Variants in MTCL1 observed in about 807,000 individuals in gnomAD.
The protein encoded by MTCL1 is microtubule cross-linking factor 1.
MTCL1 carries 79 observed loss-of-function variants against 141.4 expected under a neutral mutation model. The observed-to-expected ratio is 0.56, with a 90% CI of 0.47 to 0.67. The LOEUF (loss-of-function observed/expected upper bound fraction) is 0.67, where lower values mean the gene tolerates loss of function less well. Among genes scored for constraint, MTCL1 ranks in the 30% least tolerant of loss-of-function variants. MTCL1 has a pLI of 0.00. For synonymous variants in MTCL1, 914 were observed against 875.8 expected (o/e 1.04, Z -0.77); for missense variants, 2,177 against 2,113.9 (o/e 1.03, Z -0.59).
intron 11 of MTCL1, among the ~76,000 whole-genome samples, chr18:8,807,262 GC>G (rs2076332385): frequency 6.6e-6 from 1 of 152,072 alleles, no homozygotes; most frequent in South Asian, 2.1e-4. Context: ...ATGCAGTACG[GC>G]CCCCACCAAG....
At chr18:8,725,790 C>CTTTT (rs796484848) in intron 4 of MTCL1, among the ~76,000 whole-genome samples, 1 of 61,066 alleles carries the variant, frequency 1.6e-5, no homozygotes, top group Non-Finnish European at 2.8e-5. Context: ...TTTTTTTTTT[C>CTTTT]TTTTTTTTTT....
At chr18:8,707,241 G>C (rs1289943780) in intron 1 of MTCL1, 1 of 152,794 alleles carries the variant, frequency 6.5e-6, no homozygotes, top group Non-Finnish European at 1.5e-5. Context: ...CGACATCCCG[G>C]GTAGAGGGGG....
At chr18:8,714,851 C>G (rs562416531), upstream of MTCL1, among the ~76,000 whole-genome samples, 20 of 152,056 alleles carry the variant, frequency 1.3e-4, no homozygotes, top group South Asian at 1.0e-3. Flanking sequence ...GGCTGGAGTG[C>G]AGTGGCGCGA....
At chr18:8,731,651 C>A (rs1468721507) in intron 4 of MTCL1, among the ~76,000 whole-genome samples, 1 of 152,192 alleles carries the variant, frequency 6.6e-6, no homozygotes, top group East Asian at 1.9e-4. Context: ...CAGTAAACTG[C>A]ATCAAATTTG....
chr18:8,775,230 G>C (rs1342470838), intron 4 of MTCL1, among the ~76,000 whole-genome samples: 1 of 152,080 alleles, frequency 6.6e-6, no homozygotes, highest in Non-Finnish European at 1.5e-5. Flanking sequence ...GCTTGGGAGA[G>C]AGCCTGCTGA....
chr18:8,805,345 G>T (rs773472120), intron 10 of MTCL1, among the ~76,000 whole-genome samples: 29 of 152,144 alleles, frequency 1.9e-4, no homozygotes, highest in Non-Finnish European at 3.7e-4. Flanking sequence ...ACATATAAGT[G>T]AGAACATGCG....
intron 4 of MTCL1, among the ~76,000 whole-genome samples, chr18:8,730,755 C>G (rs1374358120): frequency 6.6e-6 from 1 of 152,208 alleles, no homozygotes; most frequent in Non-Finnish European, 1.5e-5. Flanking sequence ...ACCTTGGACG[C>G]AGCGATGCTG....
At chr18:8,832,677 A>G (rs1598849493) in exon 17 of MTCL1, 1 of 152,386 alleles carries the variant, frequency 6.6e-6, no homozygotes. Flanking sequence ...AAGGGAAAAC[A>G]CTACAAAAAG....
intron 4 of MTCL1, among the ~76,000 whole-genome samples, chr18:8,727,050 G>C (rs2096220372): frequency 6.6e-6 from 1 of 152,170 alleles, no homozygotes; most frequent in African/African-American, 2.4e-5. Context: ...AGAACATGCA[G>C]TATTGGATTT....
At chr18:8,805,459 C>T (rs992529912) in intron 10 of MTCL1, among the ~76,000 whole-genome samples, 27 of 152,204 alleles carry the variant, frequency 1.8e-4, no homozygotes, top group African/African-American at 6.0e-4. Flanking sequence ...TGTGGCTGCA[C>T]AATTTTATGT....
At chr18:8,813,508 C>CG (rs1388341213) in intron 12 of MTCL1, among the ~76,000 whole-genome samples, 89 of 151,764 alleles carry the variant, frequency 5.9e-4, no homozygotes, top group African/African-American at 2.1e-3. Flanking sequence ...CTTGTGGGAG[C>CG]GGGGGGATAA....
At chr18:8,831,847 T>A in exon 17 of MTCL1, 1 of 1,544,140 alleles carries the variant, frequency 6.5e-7, no homozygotes, top group Non-Finnish European at 8.8e-7. Context: ...GTAATTTGCA[T>A]AACCACACCA....
chr18:8,831,130 A>AAC, intron 16 of MTCL1: 4 of 988,462 alleles, frequency 4.0e-6, no homozygotes, highest in Non-Finnish European at 4.8e-6. Context: ...TGCCATTGCT[A>AAC]ACACAGCTGA....
chr18:8,809,233 G>A (rs1393263067), intron 11 of MTCL1, among the ~76,000 whole-genome samples: 3 of 152,150 alleles, frequency 2.0e-5, no homozygotes, highest in Non-Finnish European at 2.9e-5. Context: ...GGATTAACCT[G>A]GGGTTAATGG....
chr18:8,765,743 C>T (rs1345875664), intron 4 of MTCL1, among the ~76,000 whole-genome samples: 1 of 152,166 alleles, frequency 6.6e-6, no homozygotes, highest in Non-Finnish European at 1.5e-5. Context: ...ATTAGAAGGA[C>T]CCGGGACATG....
chr18:8,827,802 G>A (rs1412499593), intron 15 of MTCL1, among the ~76,000 whole-genome samples: 2 of 152,170 alleles, frequency 1.3e-5, no homozygotes, highest in Non-Finnish European at 2.9e-5. Flanking sequence ...TACGAATAGT[G>A]AATCCTGCAA....
chr18:8,789,742 G>GTT, intron 7 of MTCL1: 3 of 978,734 alleles, frequency 3.1e-6, no homozygotes, highest in Non-Finnish European at 3.6e-6. Context: ...CAAAAAAAGG[G>GTT]TTTTTTTTAG....
chr18:8,798,287 A>G (rs749487476), exon 10 of MTCL1: 2 of 1,538,428 alleles, frequency 1.3e-6, no homozygotes, highest in East Asian at 5.0e-5. Flanking sequence ...CAGCCCCACA[A>G]ACAGGTGGGT....
intron 4 of MTCL1, among the ~76,000 whole-genome samples, chr18:8,762,769 C>A (rs1320133641): frequency 2.6e-5 from 4 of 152,078 alleles, no homozygotes; most frequent in African/African-American, 9.7e-5. Flanking sequence ...AATTGGGGAG[C>A]CCCTCTCGGT....
Sources: gnomAD v4.1 joint callset for allele counts (sites outside exome capture counted in the v4.1 genomes callset) on GRCh38, gnomAD v4.1.1 for gene constraint, MANE v1.5 for transcripts, NCBI Gene and HGNC (gene_info 2026-07-23, HGNC 2026-07-21) for gene names.